Variants in CHST9 observed in about 807,000 individuals in gnomAD.
CHST9 encodes GalNAc-4-sulfotransferase 2.
A neutral mutation model predicts 44.4 loss-of-function variants in CHST9; 41 were observed. The observed-to-expected ratio is 0.92, with a 90% CI of 0.72 to 1.20. CHST9 has a LOEUF of 1.20. Ranked by LOEUF, CHST9 falls within the 50% of genes most tolerant of loss-of-function variation. The pLI, the probability that CHST9 is intolerant of heterozygous loss-of-function variation, is 0.00. For synonymous variants in CHST9, 171 were observed against 178.4 expected (o/e 0.96, Z 0.33); for missense variants, 504 against 516.5 (o/e 0.98, Z 0.23).
intron 4 of CHST9, among the ~76,000 whole-genome samples, chr18:27,015,463 T>C (rs1038526785): frequency 1.3e-5 from 2 of 151,754 alleles, no homozygotes; most frequent in Non-Finnish European, 2.9e-5. Context: ...GAGGGGACAC[T>C]GACTTTGAAC....
intron 2 of CHST9, among the ~76,000 whole-genome samples, chr18:27,121,667 G>C (rs2058375645): frequency 6.6e-6 from 1 of 152,146 alleles, no homozygotes; most frequent in Non-Finnish European, 1.5e-5. Context: ...TCAAACGCAG[G>C]AATCTGCTGA....
At chr18:27,041,873 T>A (rs1206775632) in intron 3 of CHST9, among the ~76,000 whole-genome samples, 1 of 152,162 alleles carries the variant, frequency 6.6e-6, no homozygotes, top group Non-Finnish European at 1.5e-5. Flanking sequence ...CAAGTGTAAG[T>A]CTTCCATTTT....
At chr18:26,962,352 G>A (rs376671991) in intron 4 of CHST9, among the ~76,000 whole-genome samples, 57 of 150,750 alleles carry the variant, frequency 3.8e-4, no homozygotes, top group Admixed American at 2.3e-3. Context: ...GTGCAGTGGC[G>A]CGATCTCAGC....
intron 4 of CHST9, among the ~76,000 whole-genome samples, chr18:26,981,732 C>G (rs947460289): frequency 2.0e-5 from 3 of 152,146 alleles, no homozygotes. Flanking sequence ...CCAGTAGAAG[C>G]GGAGGCCTGA....
intron 4 of CHST9, among the ~76,000 whole-genome samples, chr18:26,983,946 C>G (rs536487447): frequency 6.6e-6 from 1 of 152,254 alleles, no homozygotes; most frequent in East Asian, 1.9e-4. Flanking sequence ...ATTCAAGACC[C>G]TGTTCTTTTC....
chr18:27,012,989 T>C (rs717284), intron 4 of CHST9, among the ~76,000 whole-genome samples: 19,378 of 152,190 alleles, frequency 0.13, 1,355 homozygotes, highest in East Asian at 0.26. Flanking sequence ...ACCCCTGTAG[T>C]GTACAGTGTC....
intron 2 of CHST9, among the ~76,000 whole-genome samples, chr18:27,137,304 ATGTGTGTG>A (rs60705060): frequency 0.23 from 33,538 of 145,360 alleles, 4,371 homozygotes; most frequent in East Asian, 0.5. Context: ...TTATTTATAT[ATGTGTGTG>A]TGTGTGTGTG....
At chr18:26,917,392 G>A (rs371554866) in intron 5 of CHST9, 42 bp from the exon 6 acceptor site, 43 of 1,580,244 alleles carry the variant, frequency 2.7e-5, no homozygotes, top group Middle Eastern at 1.7e-4. Context: ...GCACAGTCAC[G>A]AGTGTGGGTA....
At chr18:26,944,810 A>G (rs80258747) in intron 4 of CHST9, among the ~76,000 whole-genome samples, 1 of 152,178 alleles carries the variant, frequency 6.6e-6, no homozygotes, top group African/African-American at 2.4e-5. Flanking sequence ...TGCTACTTCA[A>G]AAACATTTCT....
intron 2 of CHST9, among the ~76,000 whole-genome samples, chr18:27,136,849 A>C (rs1223585616): frequency 6.6e-6 from 1 of 152,204 alleles, no homozygotes; most frequent in Admixed American, 6.5e-5. Context: ...GATTGTTGTA[A>C]TGTAGGCTAC....
chr18:26,988,359 T>C (rs1056123491), intron 4 of CHST9, among the ~76,000 whole-genome samples: 1 of 152,162 alleles, frequency 6.6e-6, no homozygotes, highest in Non-Finnish European at 1.5e-5. Context: ...AAAAAAGATA[T>C]ACCATTGTAA....
At chr18:27,018,656 T>A (rs2057183522) in intron 4 of CHST9, among the ~76,000 whole-genome samples, 1 of 152,106 alleles carries the variant, frequency 6.6e-6, no homozygotes, top group Non-Finnish European at 1.5e-5. Flanking sequence ...TGCTGAATTT[T>A]AAAAAATATC....
intron 1 of CHST9, among the ~76,000 whole-genome samples, chr18:27,160,150 A>T (rs1464276088): frequency 6.6e-6 from 1 of 152,100 alleles, no homozygotes; most frequent in Non-Finnish European, 1.5e-5. Context: ...CACTATGTTG[A>T]ATAGGAGTGG....
At chr18:27,024,229 A>C in intron 3 of CHST9, 72 bp from the exon 4 acceptor site, 4 of 1,237,306 alleles carry the variant, frequency 3.2e-6, no homozygotes, top group Non-Finnish European at 2.3e-6. Flanking sequence ...TTTCTACACA[A>C]AGATGCCTCA....
chr18:27,069,672 T>C (rs1345741455), intron 2 of CHST9, among the ~76,000 whole-genome samples: 1 of 152,238 alleles, frequency 6.6e-6, no homozygotes, highest in East Asian at 1.9e-4. Context: ...ATATGCACTA[T>C]AACTCCAGTT....
chr18:26,995,703 T>G (rs1159468514), intron 4 of CHST9, among the ~76,000 whole-genome samples: 1 of 152,214 alleles, frequency 6.6e-6, no homozygotes, highest in African/African-American at 2.4e-5. Flanking sequence ...AAAAATCAGT[T>G]TCAGAAAACT....
At chr18:27,158,908 G>C (rs1183530599) in intron 1 of CHST9, among the ~76,000 whole-genome samples, 3 of 152,238 alleles carry the variant, frequency 2.0e-5, no homozygotes, top group Non-Finnish European at 4.4e-5. Context: ...GTCTTCTTTT[G>C]AGAAGTGTCT....
chr18:26,952,175 G>C (rs2056257145), intron 4 of CHST9: 1 of 521,842 alleles, frequency 1.9e-6, no homozygotes, highest in South Asian at 1.4e-5. Context: ...AGGAGGGCTA[G>C]GGATGGACTT....
rs1044303789 is a variant in CHST9 at position 26,916,971 on chromosome 18, T to C, written c.620A>G (p.Tyr207Cys). 7 of 1,613,930 alleles carry C rather than the reference T, an allele frequency of 4.3e-6. No individual in the cohort carries two copies. The highest frequency in any genetic ancestry group is 1.3e-5 in the African/African-American group (1 of 75,024). Residue 207 changes from tyrosine to cysteine, a missense_variant, in exon 6 of 6, where the codon TAT (tyrosine) becomes TGT (cysteine). Coordinates refer to ENST00000618847, the MANE Select transcript of CHST9 (RefSeq NM_031422.6). ...SHLFHTVSRI[Y>C]VEDKHKILYC... ...TAAGATTTTGTGTTTATCTTCTACA[T>C]AGATTCTGGATACTGTATGAAAAAG...
Sources: allele counts gnomAD v4.1 joint callset (sites outside exome capture counted in the v4.1 genomes callset), GRCh38; gene constraint gnomAD v4.1.1; transcripts MANE v1.5; gene names NCBI Gene and HGNC (gene_info 2026-07-23, HGNC 2026-07-21).